C10orf67: variants seen among roughly 807,000 people sequenced by gnomAD.
The protein encoded by C10orf67 is chromosome 10 open reading frame 67.
C10orf67 carries 60 observed loss-of-function variants against 35.6 expected under a neutral mutation model. The ratio of observed to expected loss-of-function variants is 1.68; its 90% confidence interval spans 1.37 to 2.09. The LOEUF is 2.09. C10orf67 is among the 30% of genes most tolerant of loss of function. C10orf67 has a pLI of 0.00. For missense variants in C10orf67, 474 were observed against 330.2 expected, an observed-to-expected ratio of 1.44 and a Z score of -3.38; for synonymous variants, 167 against 115.8, an observed-to-expected ratio of 1.44 and a Z score of -2.84.
At chr10:23,213,805 A>C (rs1841369276) in intron 15 of C10orf67, among the ~76,000 whole-genome samples, 1 of 152,172 alleles carries the variant, frequency 6.6e-6, no homozygotes, top group Non-Finnish European at 1.5e-5. Context: ...AAAGTAAAGC[A>C]GAATATCAGA....
At chr10:23,288,468 G>T (rs1449662489) in intron 7 of C10orf67, among the ~76,000 whole-genome samples, 4 of 152,132 alleles carry the variant, frequency 2.6e-5, no homozygotes, top group Non-Finnish European at 5.9e-5. Context: ...AGGGCCTGTT[G>T]GGGGGCTGGG....
intron 4 of C10orf67, among the ~76,000 whole-genome samples, chr10:23,309,056 T>C (rs1004978462): frequency 4.6e-5 from 7 of 152,148 alleles, no homozygotes; most frequent in Admixed American, 2.6e-4. Context: ...TTGGGTTTAT[T>C]TTACTCTTAA....
chr10:23,220,454 T>A (rs1296451729), intron 15 of C10orf67, among the ~76,000 whole-genome samples: 3 of 152,216 alleles, frequency 2.0e-5, no homozygotes, highest in Non-Finnish European at 4.4e-5. Flanking sequence ...AGTAGTCACC[T>A]GAGCTTGAAA....
At chr10:23,263,246 A>G in intron 10 of C10orf67, among the ~76,000 whole-genome samples, 1 of 152,248 alleles carries the variant, frequency 6.6e-6, no homozygotes, top group East Asian at 1.9e-4. Flanking sequence ...TTCTTCTCTC[A>G]TAGAGCTTAT....
At chr10:23,207,841 T>C (rs938788176) in intron 15 of C10orf67, among the ~76,000 whole-genome samples, 9 of 152,218 alleles carry the variant, frequency 5.9e-5, no homozygotes, top group Non-Finnish European at 1.3e-4. Flanking sequence ...ATAGAGATCA[T>C]TGGTGAAACG....
At position 23,344,687 on chromosome 10, in the gene C10orf67, T is replaced by C; in HGVS notation, c.88A>G (p.Thr30Ala). Residue 30 changes from threonine to alanine, a missense_variant, in exon 1 of 16, where the codon ACC becomes GCC. Coordinates refer to ENST00000636213, the MANE Select transcript of C10orf67 (RefSeq NM_001371909.1). ...VHCFSSSLRGTFGTRWEAMKA... is the reference protein window; with the variant it reads ...VHCFSSSLRGAFGTRWEAMKA... ...ATGGCCTCCCAGCGTGTGCCAAAGG[T>C]CCCCCTCAAGGAGGAGGAAAAGCAG... The C allele has an allele frequency of 6.3e-7, 1 of 1,576,972 alleles. No individual in the cohort carries two copies. Among genetic ancestry groups the C allele is most frequent in the Non-Finnish European group, 8.6e-7 (1 of 1,161,902 alleles).
chr10:23,250,015 T>C (rs866797960), intron 12 of C10orf67, among the ~76,000 whole-genome samples: 4 of 152,200 alleles, frequency 2.6e-5, no homozygotes, highest in Non-Finnish European at 5.9e-5. Context: ...AAAATGCTTA[T>C]GTGAGTGAAA....
rs1442509171 is a variant in C10orf67, at chr10:23,203,718, G to A, written c.*455C>T. 6.5e-6 allele frequency: 1 copy of A among 152,680 alleles called. No individual in the cohort carries two copies. Among genetic ancestry groups the A allele is most frequent in the South Asian group, 2.1e-4 (1 of 4,832 alleles). 9.5% of individuals were successfully genotyped at this position (152,680 alleles called of 1,614,324 possible). A position where few individuals can be genotyped will look rare whatever the true frequency, so the allele number is the denominator to read the frequency against. Reference sequence around the variant, plus strand: ...ATGAATCTTGCTTGAGGAAATGTACGATCTCCCTGTAGTCTTCATGACCTA... The same window carrying A: ...ATGAATCTTGCTTGAGGAAATGTACAATCTCCCTGTAGTCTTCATGACCTA... On this transcript the variant is annotated 3_prime_UTR_variant, in exon 16 of 16. Transcript: ENST00000636213.
At chr10:23,245,361 T>C (rs1404308598) in intron 12 of C10orf67, among the ~76,000 whole-genome samples, 1 of 152,124 alleles carries the variant, frequency 6.6e-6, no homozygotes, top group Non-Finnish European at 1.5e-5. Flanking sequence ...AACGAATAAG[T>C]AGGATTATTT....
intron 1 of C10orf67, among the ~76,000 whole-genome samples, chr10:23,334,099 A>G (rs1845580284): frequency 6.6e-6 from 1 of 152,218 alleles, no homozygotes; most frequent in Non-Finnish European, 1.5e-5. Context: ...AATAGATAGG[A>G]CCAACATAAA....
chr10:23,268,287 C>T (rs971134646), intron 8 of C10orf67, among the ~76,000 whole-genome samples: 2 of 151,918 alleles, frequency 1.3e-5, no homozygotes, highest in African/African-American at 4.8e-5. Flanking sequence ...AGAGTGAGAC[C>T]CTGACTTCAG....
chr10:23,299,410 C>T (rs1378383983), intron 5 of C10orf67, among the ~76,000 whole-genome samples: 1 of 152,106 alleles, frequency 6.6e-6, no homozygotes, highest in African/African-American at 2.4e-5. Context: ...CCTTCTGTTG[C>T]CCAGACTTCA....
intron 6 of C10orf67, among the ~76,000 whole-genome samples, chr10:23,290,259 T>C (rs1284541827): frequency 6.6e-6 from 1 of 152,202 alleles, no homozygotes; most frequent in East Asian, 1.9e-4. Flanking sequence ...TACAAAGAGC[T>C]TTAGCAGGTG....
chr10:23,290,271 C>T (rs1236002230), intron 6 of C10orf67, among the ~76,000 whole-genome samples: 1 of 152,196 alleles, frequency 6.6e-6, no homozygotes, highest in African/African-American at 2.4e-5. Flanking sequence ...TAGCAGGTGG[C>T]AGTTTATGAC....
At chr10:23,266,044 A>C (rs1015544478) in intron 10 of C10orf67, among the ~76,000 whole-genome samples, 9 of 152,188 alleles carry the variant, frequency 5.9e-5, no homozygotes, top group African/African-American at 1.9e-4. Flanking sequence ...GACTTAGCTA[A>C]ATCAACTGCC....
At chr10:23,224,500 C>T (rs531459169) in intron 13 of C10orf67, among the ~76,000 whole-genome samples, 22 of 152,302 alleles carry the variant, frequency 1.4e-4, no homozygotes, top group South Asian at 1.0e-3. Context: ...CTCAGCTCCT[C>T]GCCAGCAATG....
In C10orf67 at chr10:23,295,576, T is replaced by C. The variant is rs1272527583; in HGVS notation, c.703-4297A>G. Among the ~76,000 whole-genome samples the C allele has an allele frequency of 2.6e-5, 4 of 152,350 alleles. No individual in the cohort carries two copies. In the East Asian group the frequency reaches 7.7e-4, roughly 29 times the overall value. ...ACATTCAATACAGCAGGTGTTCTTA[T>C]CATAACTCTCTAGTTTAGCCAGGCG... On this transcript the variant is annotated intron_variant, in intron 5 of 15. Coordinates refer to ENST00000636213, the MANE Select transcript of C10orf67 (RefSeq NM_001371909.1).
At chr10:23,217,828 A>C (rs1246209591) in intron 15 of C10orf67, among the ~76,000 whole-genome samples, 1 of 152,230 alleles carries the variant, frequency 6.6e-6, no homozygotes, top group Non-Finnish European at 1.5e-5. Context: ...CAAATTAATA[A>C]GGGACATTTT....
intron 10 of C10orf67, among the ~76,000 whole-genome samples, chr10:23,256,416 T>C (rs1186486653): frequency 1.3e-5 from 2 of 152,146 alleles, no homozygotes; most frequent in Non-Finnish European, 2.9e-5. Context: ...AAATCACAAC[T>C]TCTCTTGAAC....
Sources: allele counts gnomAD v4.1 joint callset (sites outside exome capture counted in the v4.1 genomes callset), GRCh38; gene constraint gnomAD v4.1.1; transcripts MANE v1.5; gene names NCBI Gene and HGNC (gene_info 2026-07-23, HGNC 2026-07-21).